Variants in MSI2 observed in about 807,000 individuals in gnomAD.
MSI2 encodes the protein RNA-binding protein Musashi homolog 2.
Under a neutral mutation model 45.6 loss-of-function variants are expected in MSI2, and 17 were observed. The ratio of observed to expected loss-of-function variants is 0.37; its 90% CI spans 0.26 to 0.56. MSI2 has a LOEUF of 0.56. Ranked by LOEUF, MSI2 falls within the 20% of genes least tolerant of loss-of-function variation. The pLI is 0.77. For synonymous variants in MSI2, 156 were observed against 158.2 expected (o/e 0.99, Z 0.11); for missense variants, 293 against 444.2 (o/e 0.66, Z 3.06).
chr17:57,404,631 G>A (rs893931651), intron 6 of MSI2, among the ~76,000 whole-genome samples: 5 of 151,984 alleles, frequency 3.3e-5, no homozygotes, highest in South Asian at 2.1e-4. Flanking sequence ...TCTCCTTGCC[G>A]TCATTCCTCT....
chr17:57,657,041 A>G (rs775586628), intron 11 of MSI2, among the ~76,000 whole-genome samples: 3 of 152,200 alleles, frequency 2.0e-5, no homozygotes, highest in Admixed American at 6.5e-5. Flanking sequence ...GATGGAACAC[A>G]GGTGGGATCT....
chr17:57,403,016 G>A (rs547490601), intron 6 of MSI2, among the ~76,000 whole-genome samples: 10 of 152,294 alleles, frequency 6.6e-5, no homozygotes, highest in Admixed American at 1.3e-4. Flanking sequence ...AGACAGGTCC[G>A]GCTTGCATAA....
At chr17:57,331,655 C>T (rs1033540174) in intron 5 of MSI2, among the ~76,000 whole-genome samples, 4 of 152,142 alleles carry the variant, frequency 2.6e-5, no homozygotes, top group Admixed American at 2.0e-4. Flanking sequence ...TTCATGTGAC[C>T]GGCATGTGAC....
chr17:57,351,126 G>C (rs957156954), intron 5 of MSI2, among the ~76,000 whole-genome samples: 1 of 152,032 alleles, frequency 6.6e-6, no homozygotes, highest in African/African-American at 2.4e-5. Flanking sequence ...ACCTTCTCTT[G>C]ATAGTGTCTT....
intron 5 of MSI2, among the ~76,000 whole-genome samples, chr17:57,324,206 G>C (rs1299036889): frequency 1.3e-5 from 2 of 152,182 alleles, no homozygotes; most frequent in Non-Finnish European, 2.9e-5. Context: ...TTGGAGGAGG[G>C]GTGGCCGGGA....
rs373255145 is a variant in MSI2, at chr17:57,401,417, A to G, written c.351A>G (p.Leu117=). 85 of 1,614,108 alleles carry G rather than the reference A, an allele frequency of 5.3e-5. No homozygotes were observed. The highest frequency in any genetic ancestry group is 6.9e-5 in the Non-Finnish European group (82 of 1,180,030). The change falls in exon 6 of 14, where the codon TTA becomes TTG. Residue 117 remains leucine, a synonymous_variant. Transcript: ENST00000284073. ...CAAAGAAAATATTTGTAGGCGGGTT[A>G]TCTGCGAACACAGTAGTGGAAGATG... is the stretch of plus-strand genomic sequence containing the variant. ...TRTKKIFVGG[L]SANTVVEDVK...
intron 6 of MSI2, among the ~76,000 whole-genome samples, chr17:57,514,536 A>C (rs2086426676): frequency 6.6e-6 from 1 of 152,342 alleles, no homozygotes; most frequent in East Asian, 1.9e-4. Flanking sequence ...ACATGGCACT[A>C]AAGCAAATTG....
At chr17:57,264,366 C>G (rs973718842) in intron 5 of MSI2, 15 of 152,048 alleles carry the variant, frequency 9.9e-5, no homozygotes, top group African/African-American at 3.4e-4. Context: ...AAGCGTTAAC[C>G]TGCTATCTTA....
At chr17:57,308,891 G>T (rs186614525) in intron 5 of MSI2, among the ~76,000 whole-genome samples, 20 of 152,294 alleles carry the variant, frequency 1.3e-4, no homozygotes, top group East Asian at 9.6e-4. Flanking sequence ...ACAGGCGAGG[G>T]TACAGTTGGG....
chr17:57,634,892 A>G (rs1909724001), intron 10 of MSI2, among the ~76,000 whole-genome samples: 1 of 152,170 alleles, frequency 6.6e-6, no homozygotes, highest in Admixed American at 6.5e-5. Context: ...AGAAGACTAC[A>G]TCTCTTCCCT....
chr17:57,551,914 C>T (rs941981740), intron 7 of MSI2, among the ~76,000 whole-genome samples: 2 of 152,180 alleles, frequency 1.3e-5, no homozygotes, highest in African/African-American at 4.8e-5. Flanking sequence ...TGCCTGTGCC[C>T]ACCCAACCTT....
intron 6 of MSI2, among the ~76,000 whole-genome samples, chr17:57,525,584 C>T (rs545661171): frequency 9.2e-5 from 14 of 152,268 alleles, no homozygotes; most frequent in South Asian, 6.2e-4. Context: ...CCAGCATATC[C>T]GGCCTATTTT....
intron 11 of MSI2, among the ~76,000 whole-genome samples, chr17:57,670,611 G>A (rs989327044): frequency 3.3e-5 from 5 of 152,274 alleles, no homozygotes; most frequent in South Asian, 2.1e-4. Flanking sequence ...TGCCGTCCTC[G>A]GTGAGATCGG....
At chr17:57,283,232 C>T (rs977997276) in intron 5 of MSI2, among the ~76,000 whole-genome samples, 8 of 152,118 alleles carry the variant, frequency 5.3e-5, no homozygotes, top group African/African-American at 1.7e-4. Flanking sequence ...TCACTAAGGG[C>T]GGAATCTGGC....
In MSI2 at chr17:57,395,837, C is replaced by T. The variant is rs193162760; in HGVS notation, c.313-5542C>T. Among the ~76,000 whole-genome samples, 225 of 152,214 alleles carry T rather than the reference C, an allele frequency of 1.5e-3. 2 individuals carry two copies. Among genetic ancestry groups the T allele is most frequent in the African/African-American group, 5.3e-3 (221 of 41,548 alleles). On this transcript the variant is annotated intron_variant, in intron 5 of 13. Coordinates refer to ENST00000284073, the MANE Select transcript of MSI2 (RefSeq NM_138962.4). ...GACAGGATGGGGTAATAGACAGAGCCCTTGTCTGAGCCTGGGAAAGCTGTC... is the reference window on the plus strand; with the variant it reads ...GACAGGATGGGGTAATAGACAGAGCTCTTGTCTGAGCCTGGGAAAGCTGTC...
intron 7 of MSI2, among the ~76,000 whole-genome samples, chr17:57,574,980 A>G (rs905604783): frequency 2.1e-4 from 32 of 151,926 alleles, no homozygotes; most frequent in African/African-American, 5.8e-4. Context: ...GCAGGTGCCC[A>G]CCACCACGCC....
chr17:57,463,628 A>G (rs747197563), intron 6 of MSI2, among the ~76,000 whole-genome samples: 9 of 152,182 alleles, frequency 5.9e-5, no homozygotes, highest in Non-Finnish European at 1.2e-4. Flanking sequence ...GTGTTCTCAT[A>G]CCTGGCCTTC....
intron 6 of MSI2, among the ~76,000 whole-genome samples, chr17:57,493,033 C>A (rs2085907242): frequency 6.6e-6 from 1 of 152,134 alleles, no homozygotes; most frequent in Non-Finnish European, 1.5e-5. Context: ...CCACTGTAAA[C>A]TCTGTGGGTG....
chr17:57,549,171 C>T (rs773192881), intron 7 of MSI2, among the ~76,000 whole-genome samples: 3 of 152,176 alleles, frequency 2.0e-5, no homozygotes, highest in Non-Finnish European at 2.9e-5. Context: ...CGCCGGGCGC[C>T]GGCCGACAGA....
Sources: gnomAD v4.1 joint callset for allele counts (sites outside exome capture counted in the v4.1 genomes callset) on GRCh38, gnomAD v4.1.1 for gene constraint, MANE v1.5 for transcripts, NCBI Gene and HGNC (gene_info 2026-07-23, HGNC 2026-07-21) for gene names.